Variants in GALNT13 observed in about 807,000 individuals in gnomAD.
The protein encoded by GALNT13 is UDP-GalNAc:polypeptide N-acetylgalactosaminyltransferase 13.
In GALNT13, 28 loss-of-function variants were observed where a neutral mutation model predicts 64.2. The observed-to-expected ratio is 0.44, with a 90% confidence interval of 0.32 to 0.60. GALNT13 has a LOEUF of 0.60. Ranked by LOEUF, GALNT13 falls within the 20% of genes least tolerant of loss-of-function variation. The pLI is 0.05. For synonymous variants in GALNT13, 214 were observed against 224.6 expected, an observed-to-expected ratio of 0.95 and a Z score of 0.42; for missense variants, 577 against 669.8, an observed-to-expected ratio of 0.86 and a Z score of 1.53.
chr2:153,292,859 GTA>G, the GALNT13 span, among the ~76,000 whole-genome samples: 147 of 152,110 alleles, frequency 9.7e-4, 1 homozygote, highest in African/African-American at 3.5e-3. Flanking sequence ...ATTTCTGTGT[GTA>G]TATATATATT....
the GALNT13 span, among the ~76,000 whole-genome samples, chr2:153,245,290 A>G: frequency 1.3e-5 from 2 of 152,200 alleles, no homozygotes; most frequent in Non-Finnish European, 2.9e-5. Context: ...CAGCTTTGCT[A>G]AGGGACAGAC....
At chr2:154,353,475 T>C (rs1486216597) in intron 9 of GALNT13, among the ~76,000 whole-genome samples, 1 of 152,100 alleles carries the variant, frequency 6.6e-6, no homozygotes, top group Non-Finnish European at 1.5e-5. Context: ...CCTAATACAA[T>C]ACAAATTTAT....
At chr2:153,676,027 A>G in the GALNT13 span, among the ~76,000 whole-genome samples, 2 of 152,112 alleles carry the variant, frequency 1.3e-5, no homozygotes, top group Non-Finnish European at 2.9e-5. Flanking sequence ...GAGCTGAACC[A>G]TATAAAATTG....
the GALNT13 span, among the ~76,000 whole-genome samples, chr2:153,184,806 A>T: frequency 1.3e-5 from 2 of 152,148 alleles, no homozygotes; most frequent in African/African-American, 4.8e-5. Flanking sequence ...CATCCTGGGG[A>T]TGAAGCCAAC....
intron 7 of GALNT13, among the ~76,000 whole-genome samples, chr2:154,248,708 C>T (rs1689915134): frequency 6.6e-6 from 1 of 152,112 alleles, no homozygotes; most frequent in South Asian, 2.1e-4. Context: ...TCTTACCTGG[C>T]ACCATCAGGT....
At chr2:153,143,120 AG>A in the GALNT13 span, among the ~76,000 whole-genome samples, 2 of 151,892 alleles carry the variant, frequency 1.3e-5, no homozygotes, top group Non-Finnish European at 2.9e-5. Flanking sequence ...CCAACAAGGA[AG>A]GTACCTGGAC....
the GALNT13 span, among the ~76,000 whole-genome samples, chr2:153,125,745 C>G: frequency 6.6e-6 from 1 of 152,186 alleles, no homozygotes; most frequent in African/African-American, 2.4e-5. Flanking sequence ...TACTAAGAGA[C>G]TTTAAGCCTA....
intron 4 of GALNT13, among the ~76,000 whole-genome samples, chr2:154,164,252 G>A (rs879293021): frequency 1.3e-5 from 2 of 152,040 alleles, no homozygotes; most frequent in African/African-American, 4.8e-5. Flanking sequence ...AGGAAAAACT[G>A]GTAATAGGGG....
At chr2:153,431,451 A>G in the GALNT13 span, among the ~76,000 whole-genome samples, 5 of 152,234 alleles carry the variant, frequency 3.3e-5, no homozygotes, top group Admixed American at 2.0e-4. Flanking sequence ...GAGCAGGGAC[A>G]GAACCTCACC....
intron 4 of GALNT13, among the ~76,000 whole-genome samples, chr2:154,150,288 A>T (rs544484443): frequency 1.8e-4 from 28 of 152,220 alleles, no homozygotes; most frequent in African/African-American, 6.3e-4. Context: ...CCACTTGATC[A>T]TGGTGGATAA....
chr2:154,222,864 G>A (rs900414222), intron 4 of GALNT13, among the ~76,000 whole-genome samples: 3 of 152,080 alleles, frequency 2.0e-5, no homozygotes, highest in African/African-American at 7.2e-5. Context: ...CAACAAAAGA[G>A]AGACAAACTT....
In GALNT13 at chr2:154,096,359, C is replaced by A. The variant is rs116610831; in HGVS notation, c.143-43978C>A. Among the ~76,000 whole-genome samples the A allele has an allele frequency of 7.0e-3, 1,062 of 152,034 alleles. 11 individuals carry two copies. The highest frequency in any genetic ancestry group is 0.024 in the African/African-American group (978 of 41,510). On this transcript the variant is annotated intron_variant, in intron 3 of 12. Coordinates refer to ENST00000392825, the MANE Select transcript of GALNT13 (RefSeq NM_052917.4). The stretch of plus-strand genomic sequence containing the variant: ...GGGAGACAAATAGTCTTCCTACAAA[C>A]CAGAAGAGGTTCTTAAGAGGCATTC...
the GALNT13 span, among the ~76,000 whole-genome samples, chr2:153,624,839 T>G: frequency 6.9e-6 from 1 of 145,512 alleles, no homozygotes; most frequent in Admixed American, 7.1e-5. Flanking sequence ...TTTTATAGAG[T>G]GGCAAAACAT....
At chr2:154,131,818 C>T (rs1422924959) in intron 3 of GALNT13, among the ~76,000 whole-genome samples, 4 of 152,156 alleles carry the variant, frequency 2.6e-5, no homozygotes, top group Non-Finnish European at 2.9e-5. Context: ...GAAGCCAGTC[C>T]AAGTCCCAAA....
intron 3 of GALNT13, among the ~76,000 whole-genome samples, chr2:154,024,086 C>G (rs1481679476): frequency 6.6e-6 from 1 of 152,182 alleles, no homozygotes; most frequent in African/African-American, 2.4e-5. Flanking sequence ...ATGGGCTTCC[C>G]TTTGTGGGTA....
the GALNT13 span, among the ~76,000 whole-genome samples, chr2:153,301,143 C>G: frequency 6.6e-6 from 1 of 151,714 alleles, no homozygotes; most frequent in South Asian, 2.1e-4. Context: ...CTGGAGTGAG[C>G]CGTGATCATG....
intron 9 of GALNT13, among the ~76,000 whole-genome samples, chr2:154,394,246 C>T (rs1304138522): frequency 1.3e-5 from 2 of 151,922 alleles, no homozygotes; most frequent in Non-Finnish European, 2.9e-5. Flanking sequence ...TTTAATGACC[C>T]AAGATCTGAT....
At chr2:153,429,305 C>T in the GALNT13 span, among the ~76,000 whole-genome samples, 27 of 152,240 alleles carry the variant, frequency 1.8e-4, no homozygotes, top group East Asian at 5.0e-3. Context: ...TCCTGAATCT[C>T]CCATCTTATT....
chr2:153,730,771 A>G, the GALNT13 span, among the ~76,000 whole-genome samples: 4 of 151,838 alleles, frequency 2.6e-5, no homozygotes, highest in Non-Finnish European at 5.9e-5. Flanking sequence ...AAGACATACA[A>G]GTGACTAACA....
Sources: allele counts gnomAD v4.1 joint callset (sites outside exome capture counted in the v4.1 genomes callset), GRCh38; gene constraint gnomAD v4.1.1; transcripts MANE v1.5; gene names NCBI Gene and HGNC (gene_info 2026-07-23, HGNC 2026-07-21).